Variants in MORC3 observed in about 807,000 individuals in gnomAD.
The protein encoded by MORC3 is MORC family CW-type zinc finger 3.
MORC3 carries 31 observed loss-of-function variants against 109.1 expected under a neutral mutation model. The ratio of observed to expected loss-of-function variants is 0.28; its 90% CI spans 0.21 to 0.38. The LOEUF (loss-of-function observed/expected upper bound fraction) is 0.38. MORC3 is among the 10% of genes least tolerant of loss of function. MORC3 has a pLI of 1.00. For missense variants in MORC3, 867 were observed against 1,135.8 expected (o/e 0.76, Z 3.40); for synonymous variants, 395 against 380.7 (o/e 1.04, Z -0.44).
rs376877369 is a variant in MORC3 at position 36,323,922 on chromosome 21, C to G, written c.39+3619C>G. Among the ~76,000 whole-genome samples the G allele has an allele frequency of 2.6e-5, 4 of 151,814 alleles. No homozygotes were observed. The East Asian group carries it at 7.7e-4, about 29-fold the overall frequency. The stretch of plus-strand genomic sequence containing the variant: ...CGGAGTTTCGCTCTTGTTGCCCAGA[C>G]TGGAGTGCAAGGGCGTGATCTCGGC... On this transcript the variant is annotated intron_variant, in intron 1 of 16. Transcript: ENST00000400485.
At chr21:36,330,982 C>A (rs2085308459) in intron 1 of MORC3, among the ~76,000 whole-genome samples, 1 of 152,168 alleles carries the variant, frequency 6.6e-6, no homozygotes, top group Admixed American at 6.6e-5. Context: ...TGCATATATA[C>A]CAGTTTGAAC....
intron 6 of MORC3, among the ~76,000 whole-genome samples, chr21:36,343,858 T>A (rs939197010): frequency 6.6e-6 from 1 of 152,056 alleles, no homozygotes; most frequent in East Asian, 1.9e-4. Context: ...GCAATTACAT[T>A]ATTAGTAATA....
chr21:36,323,740 T>A (rs1434099507), intron 1 of MORC3, among the ~76,000 whole-genome samples: 2 of 152,188 alleles, frequency 1.3e-5, no homozygotes, highest in African/African-American at 4.8e-5. Context: ...GAAGCTCAAG[T>A]CCTTAACATC....
chr21:36,371,125 C>T (rs2085862244), intron 15 of MORC3, among the ~76,000 whole-genome samples: 2 of 152,102 alleles, frequency 1.3e-5, no homozygotes, highest in Admixed American at 6.6e-5. Flanking sequence ...TCTTCATATG[C>T]CCCTACTTCA....
At chr21:36,340,642 T>C (rs574401306) in intron 5 of MORC3, among the ~76,000 whole-genome samples, 6 of 149,944 alleles carry the variant, frequency 4.0e-5, no homozygotes, top group Non-Finnish European at 5.9e-5. Context: ...TTCTTTCTTT[T>C]TTTTTTTTTT....
chr21:36,364,326 G>C, intron 14 of MORC3, 67 bp downstream of exon 14: 2 of 1,494,218 alleles, frequency 1.3e-6, no homozygotes, highest in Non-Finnish European at 1.8e-6. Flanking sequence ...ACACTTCTGT[G>C]ACAGTGATGC....
intron 12 of MORC3, among the ~76,000 whole-genome samples, chr21:36,361,234 A>G (rs987692163): frequency 2.0e-5 from 3 of 151,928 alleles, no homozygotes; most frequent in African/African-American, 4.8e-5. Flanking sequence ...AAATCCAGCA[A>G]TAGTATTGGA....
intron 1 of MORC3, 96 bp from the exon 2 acceptor site, chr21:36,333,550 G>T: frequency 2.1e-6 from 2 of 933,278 alleles, no homozygotes; most frequent in Non-Finnish European, 3.4e-6. Flanking sequence ...ACTTTTGTTT[G>T]GTCTCAATGT....
chr21:36,360,351 G>T, intron 12 of MORC3, 93 bp downstream of exon 12: 1 of 1,284,942 alleles, frequency 7.8e-7, no homozygotes, highest in East Asian at 2.4e-5. Flanking sequence ...CCAAGGTAAA[G>T]CACCTGTAAC....
rs748822837 is a variant in MORC3 at position 36,369,659 on chromosome 21, A to G, written c.2291A>G (p.Glu764Gly). The G allele has an allele frequency of 2.8e-5, 45 of 1,614,100 alleles. No individual in the cohort carries two copies. The highest frequency in any genetic ancestry group is 3.7e-5 in the Non-Finnish European group (44 of 1,180,050). The change falls in exon 15 of 17, where the codon GAA becomes GGA. Residue 764 changes from glutamate (E) to glycine (G), a missense_variant. Transcript: ENST00000400485. ...CTTGAAAGTATTAATGGCAAATCTG[A>G]AAGTCCAGACCATATGGTATCTCAG... ...FLLESINGKS[E>G]SPDHMVSQYQ...
chr21:36,346,173 G>A (rs937172713), intron 8 of MORC3, among the ~76,000 whole-genome samples: 1 of 152,064 alleles, frequency 6.6e-6, no homozygotes, highest in African/African-American at 2.4e-5. Flanking sequence ...GGCGTGTGCC[G>A]CTATGCCAGG....
chr21:36,329,814 A>G (rs879820803), intron 1 of MORC3, among the ~76,000 whole-genome samples: 6 of 151,808 alleles, frequency 4.0e-5, no homozygotes, highest in Non-Finnish European at 5.9e-5. Flanking sequence ...AAAAATGTAC[A>G]TTGTGTAGAG....
chr21:36,365,847 A>AATGGG (rs1181396433), intron 14 of MORC3, among the ~76,000 whole-genome samples: 1 of 151,894 alleles, frequency 6.6e-6, no homozygotes, highest in Non-Finnish European at 1.5e-5. Context: ...CTCCCAAAGT[A>AATGGG]ATGGGATTAC....
intron 1 of MORC3, among the ~76,000 whole-genome samples, chr21:36,323,588 A>G (rs2085216200): frequency 6.6e-6 from 1 of 152,162 alleles, no homozygotes; most frequent in Non-Finnish European, 1.5e-5. Context: ...TCATTTCTTG[A>G]AAATACATTC....
At chr21:36,320,502 C>T (rs2085178664) in intron 1 of MORC3, 199 bp downstream of exon 1, 2 of 429,636 alleles carry the variant, frequency 4.7e-6, no homozygotes, top group Admixed American at 4.7e-5. Flanking sequence ...TCCGTCGCCT[C>T]TGCATTGTGT....
intron 1 of MORC3, among the ~76,000 whole-genome samples, chr21:36,324,235 C>G (rs1475821750): frequency 6.6e-6 from 1 of 151,248 alleles, no homozygotes; most frequent in Non-Finnish European, 1.5e-5. Flanking sequence ...TGAATTCTCC[C>G]TGGACAAAAT....
At chr21:36,372,583 ATTTATT>A (rs752969454) in intron 16 of MORC3, 52 bp downstream of exon 16, 2 of 1,496,122 alleles carry the variant, frequency 1.3e-6, no homozygotes, top group Admixed American at 2.5e-5. Context: ...TTAGGATACT[ATTTATT>A]TTTATCTGCT....
At chr21:36,331,612 A>AAAAC (rs55870244) in intron 1 of MORC3, among the ~76,000 whole-genome samples, 110,123 of 151,036 alleles carry the variant, frequency 0.73, 41,190 homozygotes, top group East Asian at 1. Context: ...AAAAAAACAA[A>AAAAC]AAACAAACAA....
intron 16 of MORC3, among the ~76,000 whole-genome samples, chr21:36,373,629 A>T (rs1245145204): frequency 1.3e-5 from 2 of 152,170 alleles, no homozygotes; most frequent in South Asian, 4.1e-4. Context: ...GTCTCAAAAA[A>T]AAAAAAAGCT....
Sources: allele counts gnomAD v4.1 joint callset (sites outside exome capture counted in the v4.1 genomes callset), GRCh38; gene constraint gnomAD v4.1.1; transcripts MANE v1.5; gene names NCBI Gene and HGNC (gene_info 2026-07-23, HGNC 2026-07-21).